The following ATG9A variants were observed in gnomAD, a reference collection of about 807,000 sequenced individuals.
ATG9A encodes the protein autophagy related 9A.
A neutral mutation model predicts 87.1 loss-of-function variants in ATG9A; 21 were observed. That is an observed-to-expected ratio of 0.24 (90% CI 0.17 to 0.35). The LOEUF is 0.35. Ranked by LOEUF, ATG9A falls within the 10% of genes least tolerant of loss-of-function variation. The pLI is 1.00. For synonymous variants in ATG9A, 422 were observed against 441.3 expected (o/e 0.96, Z 0.55); for missense variants, 836 against 1,107.3 (o/e 0.76, Z 3.48).
rs1950730256 is a variant in ATG9A at position 219,220,549 on chromosome 2, T to C, written c.2515-97A>G. On this transcript the variant is annotated intron_variant, in intron 15 of 15. Coordinates refer to ENST00000361242, the MANE Select transcript of ATG9A (RefSeq NM_001077198.3). ...CCTAGAGGTAAAGGGACAGGAAAGG[T>C]TGATTCCTGGGGAGGTAAGGTAAGG... The C allele has an allele frequency of 1.9e-6, 3 of 1,556,086 alleles. No individual in the cohort carries two copies. The South Asian group carries it at 3.4e-5, about 17-fold the overall frequency.
intron 5 of ATG9A, 126 bp downstream of exon 5, chr2:219,226,743 C>T (rs1324696479): frequency 1.2e-6 from 1 of 864,792 alleles, no homozygotes; most frequent in Admixed American, 2.0e-5. Flanking sequence ...CCCTGAACTA[C>T]AAAGGTTTAC....
chr2:219,221,053 G>A, intron 14 of ATG9A, 27 bp downstream of exon 14: 12 of 1,609,718 alleles, frequency 7.5e-6, no homozygotes, highest in Non-Finnish European at 1.0e-5. Context: ...TGCAGCCTCT[G>A]TTTCCTCCTA....
In ATG9A at chr2:219,227,964, CT is replaced by C; in HGVS notation, c.60del (p.Glu22ArgfsTer77). 6.2e-7 allele frequency: 1 copy of C among 1,614,204 alleles called. No individual in the cohort carries two copies. Among genetic ancestry groups the C allele is most frequent in the Non-Finnish European group, 8.5e-7 (1 of 1,180,028 alleles). Reference sequence around the variant, plus strand: ...ACGTGCACCAACAGGTCCTCCTCCCCTGGGGGTGAATCACTATAGGAGGCCT... The same window carrying C: ...ACGTGCACCAACAGGTCCTCCTCCCCGGGGGTGAATCACTATAGGAGGCCT... ...RLEASYSDSP[P>X]GEEDLLVHVA... On this transcript the variant is annotated frameshift_variant, in exon 3 of 16. Transcript: ENST00000361242. LOFTEE classifies it high-confidence loss of function.
chr2:219,226,644 C>T lies in ATG9A; in HGVS notation c.212+225G>A, dbSNP rs549788696. ...CAGAGGTTGCACCGAGCCAAGACCA[C>T]TGCACTCCTGCCTGGGCGACAGAGT... On this transcript the variant is annotated intron_variant, in intron 5 of 15. Coordinates refer to ENST00000361242, the MANE Select transcript of ATG9A (RefSeq NM_001077198.3). 5.9e-5 allele frequency among the ~76,000 whole-genome samples: 9 copies of T among 152,234 alleles called. No individual in the cohort carries two copies. The East Asian group carries it at 1.7e-3, about 30-fold the overall frequency.
rs1452709505 is a variant in ATG9A at position 219,229,573 on chromosome 2, CGGCTCCGCT to C, written c.-129_-121del. 6 of 152,786 alleles carry C rather than the reference CGGCTCCGCT, an allele frequency of 3.9e-5. No individual in the cohort carries two copies. The highest frequency in any genetic ancestry group is 6.5e-5 in the Admixed American group (1 of 15,314). 9.5% of individuals were successfully genotyped at this position (152,786 alleles called of 1,614,324 possible). A position where few individuals can be genotyped will look rare whatever the true frequency, so the allele number is the denominator to read the frequency against. On this transcript the variant is annotated 5_prime_UTR_variant, in exon 1 of 16. Coordinates refer to ENST00000361242, the MANE Select transcript of ATG9A (RefSeq NM_001077198.3). This position sits in a 1 kb window ranked among gnomAD's most constrained non-coding sequence, Gnocchi z 4.2. ...ACCCGGGTGATTCCAGAGGCTCCGC[CGGCTCCGCT>C]CGGCTCGGCTCGGCTCGGCGCGACC...
rs747560440 is a variant in ATG9A at position 219,222,306 on chromosome 2, T to C, written c.1993A>G (p.Thr665Ala). The C allele has an allele frequency of 1.2e-6, 2 of 1,613,278 alleles. No individual in the cohort carries two copies. Among genetic ancestry groups the C allele is most frequent in the Non-Finnish European group, 1.7e-6 (2 of 1,180,038 alleles). Residue 665 changes from threonine (T) to alanine (A), a missense_variant, in exon 12 of 16, where the codon ACA (threonine) becomes GCA (alanine). Around this residue, in one of 2 missense-constraint regions of ATG9A, gnomAD observed 324 missense variants for 347.6 expected, o/e 0.93. Coordinates refer to ENST00000361242, the MANE Select transcript of ATG9A (RefSeq NM_001077198.3). This position sits in a 1 kb window ranked among gnomAD's most constrained non-coding sequence, Gnocchi z 4.3. ...GTCATGGTGCTGTGAGCCCGGCCTG[T>C]GGGCGCCTGCCCGGGTTGCAGCGGG... ...FSPLQPGQAP[T>A]GRAHSTMTGS... is the part of the protein sequence containing the mutation.
chr2:219,221,924 G>T, intron 13 of ATG9A, 126 bp downstream of exon 13: 1 of 816,874 alleles, frequency 1.2e-6, no homozygotes. Flanking sequence ...AGCTAAAAAG[G>T]ATATTAAGAA....
chr2:219,220,984 G>T, intron 14 of ATG9A, 92 bp from the exon 15 acceptor site: 1 of 1,592,234 alleles, frequency 6.3e-7, no homozygotes, highest in Non-Finnish European at 8.6e-7. Flanking sequence ...GAGTCTTTGG[G>T]CCTGTTCTCT....
In ATG9A at chr2:219,224,560, C is replaced by G; in HGVS notation, c.811G>C (p.Ala271Pro). Residue 271 changes from alanine to proline, a missense_variant, in exon 8 of 16, where the codon GCC becomes CCC. This residue lies in a region of ATG9A where 512 missense variants were observed against 759.6 expected (regional missense o/e 0.67). Transcript: ENST00000361242. This position sits in a 1 kb window ranked among gnomAD's most constrained non-coding sequence, Gnocchi z 7.7. The part of the protein sequence containing the change: ...SLFLNEWSLK[A>P]EYKRGGQRLE... ...CGTTGCCCCCCACGTTTGTACTCGG[C>G]CTTGAGGCTCCATTCATTGAGAAAC... 2.5e-6 allele frequency: 4 copies of G among 1,614,170 alleles called. No individual in the cohort carries two copies. Among genetic ancestry groups the G allele is most frequent in the Middle Eastern group, 1.6e-4 (1 of 6,062 alleles).
Position 219,224,969 on chromosome 2 carries a change from G to T in ATG9A, c.516+102C>A. On this transcript the variant is annotated intron_variant, in intron 7 of 15. Coordinates refer to ENST00000361242, the MANE Select transcript of ATG9A (RefSeq NM_001077198.3). This position sits in a 1 kb window ranked among gnomAD's most constrained non-coding sequence, Gnocchi z 7.7. ...GTTGTGAGCTTAAGAGACAGTTCCT[G>T]ATTTGTCAATGACAGATAAGGATAA... The T allele has an allele frequency of 6.4e-7, 1 of 1,572,220 alleles. No homozygotes were observed. The highest frequency in any genetic ancestry group is 8.7e-7 in the Non-Finnish European group (1 of 1,148,996).
In ATG9A at chr2:219,225,572, C is replaced by A. The variant is rs754330247; in HGVS notation, c.213G>T (p.Met71Ile). 34 of 1,613,550 alleles carry A rather than the reference C, an allele frequency of 2.1e-5. No individual in the cohort carries two copies. The highest frequency in any genetic ancestry group is 2.9e-5 in the Non-Finnish European group (34 of 1,179,618). The change falls in exon 6 of 16, where the codon ATG becomes ATT. Residue 71 changes from methionine (M) to isoleucine (I), a missense_variant and splice_region_variant. Met to Ile is a conservative substitution (Grantham distance 10). Coordinates refer to ENST00000361242, the MANE Select transcript of ATG9A (RefSeq NM_001077198.3). Reference protein sequence around the residue: ...CMLIGEIFELMQFLFVVAFTT... With the variant: ...CMLIGEIFELIQFLFVVAFTT... ...TGAAGGCAACCACAAAGAGGAACTG[C>A]CTGGGGAGTTGGGAAGAAGGGGTGC...
chr2:219,221,841 G>A (rs77740439), intron 13 of ATG9A, among the ~76,000 whole-genome samples: 1,596 of 152,248 alleles, frequency 0.01, 33 homozygotes, highest in African/African-American at 0.036. Context: ...GAGGCCATCT[G>A]GATATCCCAG....
rs190418139 is a variant in ATG9A at position 219,223,743 on chromosome 2, G to T, written c.1441C>A (p.Leu481Met). ...ATGAGGGGTGTGACAATGGGGCTCA[G>T]CAACTCTTCCAAAATGAACACCTAA... is the stretch of plus-strand genomic sequence containing the variant. ...YKAVFILEEL[L>M]SPIVTPLILI... The change falls in exon 10 of 16, where the codon CTG (leucine) becomes ATG (methionine). Residue 481 changes from leucine (L) to methionine (M), a missense_variant. Around this residue, in one of 2 missense-constraint regions of ATG9A, gnomAD observed 512 missense variants for 759.6 expected, o/e 0.67. Coordinates refer to ENST00000361242, the MANE Select transcript of ATG9A (RefSeq NM_001077198.3). The surrounding 1 kb of genome is among the most constrained non-coding windows in gnomAD (Gnocchi z 4.7). 1 of 1,613,102 alleles carries T rather than the reference G, an allele frequency of 6.2e-7. No individual in the cohort carries two copies. Among genetic ancestry groups the T allele is most frequent in the Non-Finnish European group, 8.5e-7 (1 of 1,179,500 alleles).
In ATG9A at chr2:219,228,085, T is replaced by G. The variant is rs548602924; in HGVS notation, c.-29-32A>C. 2.7e-6 allele frequency: 4 copies of G among 1,494,670 alleles called. No individual in the cohort carries two copies. The Admixed American group carries it at 7.2e-5, about 27-fold the overall frequency. The allele number at this position is 1,494,670 out of a possible 1,614,324, so 92.6% of individuals were successfully genotyped here. A position where few individuals can be genotyped will look rare whatever the true frequency, so the allele number is the denominator to read the frequency against. ...ATAAGGAGGAAGAAGAGACCCTGAT[T>G]CAGTTCCAGCTGCTGCCCATGGGCT... On this transcript the variant is annotated intron_variant, in intron 2 of 15. Transcript: ENST00000361242.
intron 13 of ATG9A, 145 bp downstream of exon 13, chr2:219,221,901 TGAGA>T: frequency 1.4e-6 from 1 of 697,706 alleles, no homozygotes; most frequent in Non-Finnish European, 2.3e-6. Context: ...AGGCCCTGGA[TGAGA>T]GCAGGCTTAG....
In ATG9A at chr2:219,220,854, G is replaced by A. The variant is rs374721487; in HGVS notation, c.2407C>T (p.Arg803Trp). Reference protein sequence around the residue: ...TVPRVPSHFSRLPLGGWAEDG... With the variant: ...TVPRVPSHFSWLPLGGWAEDG... ...TCTGCCCACCCTCCAAGAGGCAGCC[G>A]AGAGAAATGAGAGGGAACCCTGGGC... Residue 803 changes from arginine (R) to tryptophan (W), a missense_variant, in exon 15 of 16, where the codon CGG becomes TGG. Coordinates refer to ENST00000361242, the MANE Select transcript of ATG9A (RefSeq NM_001077198.3). 2.0e-5 allele frequency: 32 copies of A among 1,613,290 alleles called. No homozygotes were observed. Among genetic ancestry groups the A allele is most frequent in the Non-Finnish European group, 2.5e-5 (30 of 1,179,972 alleles).
At chr2:219,221,716 T>C (rs1950763695) in intron 13 of ATG9A, among the ~76,000 whole-genome samples, 1 of 152,026 alleles carries the variant, frequency 6.6e-6, no homozygotes, top group South Asian at 2.1e-4. Context: ...TGCTAAATGC[T>C]ATGGAGAAAA....
intron 5 of ATG9A, among the ~76,000 whole-genome samples, chr2:219,226,449 T>C (rs1350183714): frequency 6.6e-6 from 1 of 151,520 alleles, no homozygotes; most frequent in African/African-American, 2.4e-5. Context: ...CTTCGGGAGG[T>C]TGAGGCGGGC....
chr2:219,228,398 CACAA>C lies in ATG9A; in HGVS notation c.-30+32_-30+35del, dbSNP rs140054154. ...AGAGACTAACAGTTTGGAAGCACTT[CACAA>C]ACAAATGTTTGAGAAAAGCACATGG... On this transcript the variant is annotated intron_variant, in intron 2 of 15. Coordinates refer to ENST00000361242, the MANE Select transcript of ATG9A (RefSeq NM_001077198.3). The C allele has an allele frequency of 5.2e-5, 11 of 213,428 alleles. 1 individual carries two copies. The East Asian group carries it at 8.1e-4, about 16-fold the overall frequency. 13.2% of individuals were successfully genotyped at this position (213,428 alleles called of 1,614,324 possible). A position where few individuals can be genotyped will look rare whatever the true frequency, so the allele number is the denominator to read the frequency against.
Sources: allele counts gnomAD v4.1 joint callset (sites outside exome capture counted in the v4.1 genomes callset), GRCh38; gene constraint gnomAD v4.1.1; regional missense constraint gnomAD v4.1.1; non-coding constraint Gnocchi (gnomAD v3.1); transcripts MANE v1.5; gene names NCBI Gene and HGNC (gene_info 2026-07-23, HGNC 2026-07-21).